The following CCSER1 variants were observed in gnomAD, a reference collection of about 807,000 sequenced individuals.
CCSER1 encodes the protein coiled-coil serine rich protein 1, also known as serine-rich coiled-coil domain-containing protein 1.
In CCSER1, 41 loss-of-function variants were observed where a neutral mutation model predicts 82.0. The observed-to-expected ratio is 0.50, with a 90% CI of 0.39 to 0.65. CCSER1 has a LOEUF of 0.65. Ranked by LOEUF, CCSER1 falls within the 30% of genes least tolerant of loss-of-function variation. The pLI is 0.00. For synonymous variants in CCSER1, 414 were observed against 383.9 expected, an observed-to-expected ratio of 1.08 and a Z score of -0.92; for missense variants, 1,119 against 1,064.2, an observed-to-expected ratio of 1.05 and a Z score of -0.72.
At chr4:91,096,681 C>G (rs963414337) in intron 10 of CCSER1, among the ~76,000 whole-genome samples, 12 of 152,176 alleles carry the variant, frequency 7.9e-5, no homozygotes, top group African/African-American at 2.7e-4. Flanking sequence ...ACTCCATAGT[C>G]TCCTTTGAAT....
At chr4:91,431,799 A>G (rs1022531301) in intron 10 of CCSER1, among the ~76,000 whole-genome samples, 6 of 152,196 alleles carry the variant, frequency 3.9e-5, no homozygotes, top group African/African-American at 9.7e-5. Flanking sequence ...GAAGCATTCT[A>G]TACAATTGTC....
intron 4 of CCSER1, among the ~76,000 whole-genome samples, chr4:90,425,539 A>T (rs1757406721): frequency 6.6e-6 from 1 of 152,212 alleles, no homozygotes; most frequent in South Asian, 2.1e-4. Flanking sequence ...GCCATCAAAA[A>T]TAGCTTAGCA....
At chr4:90,346,037 C>T (rs1561067559) in intron 3 of CCSER1, among the ~76,000 whole-genome samples, 1 of 151,896 alleles carries the variant, frequency 6.6e-6, no homozygotes, top group Non-Finnish European at 1.5e-5. Context: ...TATGTAAATA[C>T]CCTACTTTTT....
At chr4:90,901,851 A>G (rs1724707354) in intron 8 of CCSER1, among the ~76,000 whole-genome samples, 1 of 152,052 alleles carries the variant, frequency 6.6e-6, no homozygotes, top group South Asian at 2.1e-4. Flanking sequence ...TAGAAAGGTT[A>G]GGGAAATTTT....
chr4:91,405,251 G>A (rs1752623549), intron 10 of CCSER1, among the ~76,000 whole-genome samples: 5 of 151,366 alleles, frequency 3.3e-5, no homozygotes, highest in Admixed American at 3.3e-4. Context: ...CATTTGCTTG[G>A]CCATATGTAG....
chr4:91,197,795 T>A (rs1320371641), intron 10 of CCSER1, among the ~76,000 whole-genome samples: 1 of 152,202 alleles, frequency 6.6e-6, no homozygotes, highest in Non-Finnish European at 1.5e-5. Flanking sequence ...TCTCATCTTT[T>A]CTTAGTCTTG....
At chr4:91,271,683 T>C (rs4333149) in intron 10 of CCSER1, among the ~76,000 whole-genome samples, 13,420 of 152,054 alleles carry the variant, frequency 0.088, 738 homozygotes, top group African/African-American at 0.15. Flanking sequence ...ATGATATATA[T>C]ACACACACAT....
chr4:91,544,681 C>T (rs530043211), intron 10 of CCSER1, among the ~76,000 whole-genome samples: 3 of 152,258 alleles, frequency 2.0e-5, no homozygotes, highest in African/African-American at 7.2e-5. Context: ...AACTTTGTCT[C>T]AGAGGGGCAC....
In CCSER1 at chr4:90,302,950, C is replaced by T. The variant is rs1344661610; in HGVS notation, c.-41-5294C>T. 2.6e-5 allele frequency among the ~76,000 whole-genome samples: 4 copies of T among 152,070 alleles called. No homozygotes were observed. In the East Asian group the frequency reaches 7.7e-4, roughly 29 times the overall value. ...TCTGGAGATGTAGACAGCATCCAAGCCTTAAAGAGCCTTCCTAAAGAATAT... is the reference window on the plus strand; with the variant it reads ...TCTGGAGATGTAGACAGCATCCAAGTCTTAAAGAGCCTTCCTAAAGAATAT... On this transcript the variant is annotated intron_variant, in intron 1 of 10. Transcript: ENST00000509176.
chr4:90,963,829 A>C (rs1000788513), intron 9 of CCSER1, among the ~76,000 whole-genome samples: 3 of 152,182 alleles, frequency 2.0e-5, no homozygotes, highest in Non-Finnish European at 4.4e-5. Context: ...TTGCCTTATG[A>C]TCTATTGAAA....
intron 1 of CCSER1, among the ~76,000 whole-genome samples, chr4:90,291,463 G>A (rs1730936352): frequency 6.6e-6 from 1 of 151,926 alleles, no homozygotes; most frequent in Non-Finnish European, 1.5e-5. Context: ...AGGCCCTTGT[G>A]CCATAAACAC....
chr4:90,395,722 C>T lies in CCSER1; in HGVS notation c.1510-4314C>T, dbSNP rs531147504. On this transcript the variant is annotated intron_variant, in intron 3 of 10. Coordinates refer to ENST00000509176, the MANE Select transcript of CCSER1 (RefSeq NM_001145065.2). ...ATTTTGTGTAATATGGGTGTCCTCT[C>T]ACAAAATGATTTTCTTTTTAAATCC... Among the ~76,000 whole-genome samples the T allele has an allele frequency of 1.9e-4, 29 of 151,070 alleles. 2 individuals are homozygous for T. The South Asian group carries it at 5.9e-3, about 31-fold the overall frequency.
intron 10 of CCSER1, among the ~76,000 whole-genome samples, chr4:91,342,077 A>G (rs1747758001): frequency 6.6e-6 from 1 of 152,196 alleles, no homozygotes; most frequent in Non-Finnish European, 1.5e-5. Flanking sequence ...TTGCTGCATA[A>G]AAGTGAATAG....
chr4:90,200,677 G>GT (rs533686248), intron 1 of CCSER1, among the ~76,000 whole-genome samples: 8 of 151,780 alleles, frequency 5.3e-5, no homozygotes, highest in Non-Finnish European at 1.0e-4. Flanking sequence ...AAGGGTTTTT[G>GT]TTTAACATAT....
At chr4:91,460,633 G>A (rs1756450152) in intron 10 of CCSER1, among the ~76,000 whole-genome samples, 1 of 152,004 alleles carries the variant, frequency 6.6e-6, no homozygotes, top group African/African-American at 2.4e-5. Context: ...ATTTGCACTG[G>A]ATCAGAGACA....
chr4:91,139,764 C>T (rs1016718183), intron 10 of CCSER1, among the ~76,000 whole-genome samples: 8 of 152,074 alleles, frequency 5.3e-5, no homozygotes, highest in Non-Finnish European at 1.0e-4. Flanking sequence ...GTCTAATATA[C>T]ATTTGTAATC....
intron 9 of CCSER1, among the ~76,000 whole-genome samples, chr4:90,973,709 C>T (rs1735336716): frequency 6.6e-6 from 1 of 151,636 alleles, no homozygotes; most frequent in African/African-American, 2.4e-5. Context: ...ATCTGCATTT[C>T]CATATTCATT....
chr4:90,260,737 C>CA (rs1654731696), intron 1 of CCSER1, among the ~76,000 whole-genome samples: 1 of 152,138 alleles, frequency 6.6e-6, no homozygotes, highest in Non-Finnish European at 1.5e-5. Context: ...TTTATTAAGA[C>CA]AGAGTTTCAC....
chr4:90,974,469 G>T (rs770620071), intron 9 of CCSER1, among the ~76,000 whole-genome samples: 3 of 149,184 alleles, frequency 2.0e-5, no homozygotes, highest in African/African-American at 7.4e-5. Flanking sequence ...AAAGAAAAAG[G>T]CTTTCAAGAA....
Sources: gnomAD v4.1 joint callset for allele counts (sites outside exome capture counted in the v4.1 genomes callset) on GRCh38, gnomAD v4.1.1 for gene constraint, MANE v1.5 for transcripts, NCBI Gene and HGNC (gene_info 2026-07-23, HGNC 2026-07-21) for gene names.